Variants in SSBP2 observed in about 807,000 individuals in gnomAD.
The protein encoded by SSBP2 is single stranded DNA binding protein 2, also known as single-stranded DNA-binding protein 2.
In SSBP2, 17 loss-of-function variants were observed where a neutral mutation model predicts 61.8. The observed-to-expected ratio is 0.28, with a 90% CI of 0.19 to 0.41. The LOEUF (loss-of-function observed/expected upper bound fraction) is 0.41, where lower values mean the gene tolerates loss of function less well. Among genes scored for constraint, SSBP2 ranks in the 10% least tolerant of loss-of-function variants. The pLI is 1.00. For missense variants in SSBP2, 310 were observed against 458.7 expected (o/e 0.68, Z 2.96); for synonymous variants, 139 against 141.3 (o/e 0.98, Z 0.12).
At chr5:81,622,626 T>C (rs1352621603) in intron 3 of SSBP2, among the ~76,000 whole-genome samples, 1 of 152,230 alleles carries the variant, frequency 6.6e-6, no homozygotes, top group African/African-American at 2.4e-5. Context: ...TCATCAACAC[T>C]ATAATTAGTT....
intron 1 of SSBP2, among the ~76,000 whole-genome samples, chr5:81,674,253 G>C (rs1309147549): frequency 1.3e-5 from 2 of 152,158 alleles, no homozygotes; most frequent in Non-Finnish European, 2.9e-5. Context: ...CCAAGAAGTG[G>C]CAAGCTCACA....
chr5:81,585,208 C>A (rs958020130), intron 4 of SSBP2, among the ~76,000 whole-genome samples: 6 of 152,028 alleles, frequency 3.9e-5, no homozygotes, highest in Non-Finnish European at 5.9e-5. Context: ...ATACTCAATC[C>A]TCCCTTAGTT....
Position 81,455,655 on chromosome 5 carries a change from A to AAAAAT in SSBP2, c.687+5399_687+5400insATTTT, listed in dbSNP as rs1764093123. On this transcript the variant is annotated intron_variant, in intron 10 of 16. Transcript: ENST00000320672. Reference sequence around the variant, plus strand: ...AAAAAAAAAAAAAAAAAAAAAAAAAATCCTCCTTCTAACCCTACCCTATAC... The same window carrying AAAAAT: ...AAAAAAAAAAAAAAAAAAAAAAAAAAAAAATTCCTCCTTCTAACCCTACCCTATAC... Among the ~76,000 whole-genome samples, 2 of 150,818 alleles carry AAAAAT rather than the reference A, an allele frequency of 1.3e-5. 1 individual carries two copies. Among genetic ancestry groups the AAAAAT allele is most frequent in the Non-Finnish European group, 3.0e-5 (2 of 67,710 alleles).
chr5:81,684,988 T>C (rs564051695), intron 1 of SSBP2, among the ~76,000 whole-genome samples: 2 of 152,196 alleles, frequency 1.3e-5, no homozygotes, highest in African/African-American at 2.4e-5. Flanking sequence ...TGGGAAGTGA[T>C]TGGATCATGG....
intron 1 of SSBP2, among the ~76,000 whole-genome samples, chr5:81,742,291 A>T (rs144425050): frequency 1.3e-5 from 2 of 152,332 alleles, no homozygotes; most frequent in Admixed American, 1.3e-4. Flanking sequence ...ATAGTCCTGA[A>T]ATTCAAAGAA....
chr5:81,615,178 AC>A lies in SSBP2; in HGVS notation c.282+294del, dbSNP rs559576130. The A allele has an allele frequency of 2.0e-4, 43 of 212,720 alleles. No individual in the cohort carries two copies. In the South Asian group the frequency reaches 2.3e-3, roughly 11 times the overall value. 13.2% of individuals were successfully genotyped at this position (212,720 alleles called of 1,614,324 possible). A position where few individuals can be genotyped will look rare whatever the true frequency, so the allele number is the denominator to read the frequency against. On this transcript the variant is annotated intron_variant, in intron 4 of 16. Coordinates refer to ENST00000320672, the MANE Select transcript of SSBP2 (RefSeq NM_012446.5). ...AATGTTTTTGTAGAATAAAAAAATT[AC>A]TATATATTTAATTTTCATAAAATCT... is the stretch of plus-strand genomic sequence containing the variant.
At chr5:81,578,530 A>T (rs1385013987) in intron 4 of SSBP2, among the ~76,000 whole-genome samples, 2 of 152,054 alleles carry the variant, frequency 1.3e-5, no homozygotes, top group Admixed American at 6.6e-5. Flanking sequence ...AAAGATTTTT[A>T]AAAAGTATCA....
At chr5:81,640,156 A>G (rs757891490) in intron 2 of SSBP2, among the ~76,000 whole-genome samples, 34 of 152,116 alleles carry the variant, frequency 2.2e-4, no homozygotes, top group Non-Finnish European at 4.0e-4. Flanking sequence ...TTAAGCCAAA[A>G]TGGTGAAACC....
intron 3 of SSBP2, among the ~76,000 whole-genome samples, chr5:81,632,400 TA>T (rs966713788): frequency 2.0e-5 from 3 of 152,208 alleles, no homozygotes; most frequent in African/African-American, 4.8e-5. Context: ...GATACGATAT[TA>T]GGGGTAAGGA....
chr5:81,685,469 G>A (rs1463292781), intron 1 of SSBP2, among the ~76,000 whole-genome samples: 2 of 152,050 alleles, frequency 1.3e-5, no homozygotes, highest in Non-Finnish European at 2.9e-5. Flanking sequence ...GGGAAAGAAG[G>A]AGTATATATG....
At chr5:81,694,368 C>T (rs1753446618) in intron 1 of SSBP2, among the ~76,000 whole-genome samples, 1 of 152,116 alleles carries the variant, frequency 6.6e-6, no homozygotes, top group Non-Finnish European at 1.5e-5. Context: ...CTTGAGGTAA[C>T]GGATACCCCC....
chr5:81,590,190 C>A (rs1322247062), intron 4 of SSBP2, among the ~76,000 whole-genome samples: 2 of 151,724 alleles, frequency 1.3e-5, no homozygotes, highest in Non-Finnish European at 2.9e-5. Context: ...AGATTCTAGT[C>A]ATAGATTTAA....
At chr5:81,470,613 C>T (rs1027976160) in intron 8 of SSBP2, among the ~76,000 whole-genome samples, 2 of 151,908 alleles carry the variant, frequency 1.3e-5, no homozygotes, top group Non-Finnish European at 2.9e-5. Context: ...TAGATAACTA[C>T]TGTCCCCCTG....
chr5:81,453,782 G>C (rs1322908152), intron 10 of SSBP2, among the ~76,000 whole-genome samples: 1 of 151,972 alleles, frequency 6.6e-6, no homozygotes, highest in Non-Finnish European at 1.5e-5. Flanking sequence ...AGGCTGTCAG[G>C]CTTAAGCTTT....
chr5:81,636,673 T>A, intron 2 of SSBP2, 55 bp from the exon 3 acceptor site: 1 of 1,300,114 alleles, frequency 7.7e-7, no homozygotes, highest in Non-Finnish European at 1.1e-6. Flanking sequence ...TCCACACATA[T>A]TACAAAGTAA....
At chr5:81,699,642 C>T (rs1003131287) in intron 1 of SSBP2, among the ~76,000 whole-genome samples, 7 of 152,258 alleles carry the variant, frequency 4.6e-5, no homozygotes, top group Admixed American at 1.3e-4. Flanking sequence ...TCCTCAACTC[C>T]GGTCTTGAAA....
At chr5:81,728,979 G>A (rs1210384141) in intron 1 of SSBP2, among the ~76,000 whole-genome samples, 2 of 152,116 alleles carry the variant, frequency 1.3e-5, no homozygotes, top group Non-Finnish European at 2.9e-5. Flanking sequence ...TTAAAATTAA[G>A]AGAATACCTT....
chr5:81,472,275 C>A (rs1765298021), intron 8 of SSBP2, among the ~76,000 whole-genome samples: 1 of 152,088 alleles, frequency 6.6e-6, no homozygotes, highest in Admixed American at 6.6e-5. Flanking sequence ...CCAAGAGAGA[C>A]AAAGGATGTT....
chr5:81,578,144 C>T (rs1308849655), intron 4 of SSBP2, among the ~76,000 whole-genome samples: 3 of 152,022 alleles, frequency 2.0e-5, no homozygotes, highest in Non-Finnish European at 2.9e-5. Context: ...ATTATAATTC[C>T]ATAATTATTC....
Sources: gnomAD v4.1 joint callset for allele counts (sites outside exome capture counted in the v4.1 genomes callset) on GRCh38, gnomAD v4.1.1 for gene constraint, MANE v1.5 for transcripts, NCBI Gene and HGNC (gene_info 2026-07-23, HGNC 2026-07-21) for gene names.